DLGAP1: variants seen among roughly 807,000 people sequenced by gnomAD.
DLGAP1 encodes the protein disks large-associated protein 1.
DLGAP1 carries 11 observed loss-of-function variants against 90.8 expected under a neutral mutation model. The observed-to-expected ratio is 0.12, with a 90% CI of 0.08 to 0.20. The LOEUF (loss-of-function observed/expected upper bound fraction) is 0.20. Ranked by LOEUF, DLGAP1 falls within the 10% of genes least tolerant of loss-of-function variation. The probability of loss-of-function intolerance (pLI) is 1.00; values close to 1 mark genes in which losing one functional copy is unlikely to be tolerated. For synonymous variants in DLGAP1, 558 were observed against 540.7 expected (o/e 1.03, Z -0.44); for missense variants, 1,050 against 1,333.8 (o/e 0.79, Z 3.31).
At chr18:3,824,809 G>C (rs1193468985) in intron 4 of DLGAP1, among the ~76,000 whole-genome samples, 1 of 152,152 alleles carries the variant, frequency 6.6e-6, no homozygotes, top group Non-Finnish European at 1.5e-5. Flanking sequence ...ACACCTGAAA[G>C]CATACGGCAT....
intron 1 of DLGAP1, among the ~76,000 whole-genome samples, chr18:4,160,188 A>G (rs2076821533): frequency 1.3e-5 from 2 of 152,260 alleles, no homozygotes; most frequent in African/African-American, 2.4e-5. Context: ...GAGGTTTATC[A>G]AACAAGCATT....
chr18:3,862,550 C>T (rs1022203047), intron 4 of DLGAP1, among the ~76,000 whole-genome samples: 3 of 152,086 alleles, frequency 2.0e-5, no homozygotes, highest in Admixed American at 1.3e-4. Context: ...CCGACAGGCA[C>T]GTGGAGGGGA....
chr18:4,392,745 C>T (rs1257973826), intron 1 of DLGAP1, among the ~76,000 whole-genome samples: 1 of 152,164 alleles, frequency 6.6e-6, no homozygotes, highest in Non-Finnish European at 1.5e-5. Context: ...GAGATCCAGC[C>T]TCACATTTCA....
chr18:4,406,921 G>A (rs10468751), intron 1 of DLGAP1, among the ~76,000 whole-genome samples: 8,170 of 152,186 alleles, frequency 0.054, 684 homozygotes, highest in African/African-American at 0.19. Context: ...ACTTTGGTTG[G>A]CAATTTGAAT....
intron 2 of DLGAP1, among the ~76,000 whole-genome samples, chr18:4,129,706 A>C (rs1310349712): frequency 6.6e-6 from 1 of 152,164 alleles, no homozygotes; most frequent in Non-Finnish European, 1.5e-5. Flanking sequence ...ACGCCAATTT[A>C]GTACTGGCTT....
At chr18:3,814,933 A>C (rs1395674742) in intron 4 of DLGAP1, among the ~76,000 whole-genome samples, 2 of 152,222 alleles carry the variant, frequency 1.3e-5, no homozygotes, top group Non-Finnish European at 2.9e-5. Flanking sequence ...TTTTATTGTA[A>C]TAGGCTCATA....
chr18:4,187,046 T>C (rs541933144), intron 1 of DLGAP1, among the ~76,000 whole-genome samples: 57 of 152,312 alleles, frequency 3.7e-4, no homozygotes, highest in Non-Finnish European at 6.6e-4. Context: ...CTGATTTGGC[T>C]CTTGGCTTGA....
At chr18:3,873,182 A>G (rs1281282586) in intron 4 of DLGAP1, among the ~76,000 whole-genome samples, 2 of 151,870 alleles carry the variant, frequency 1.3e-5, no homozygotes, top group Non-Finnish European at 2.9e-5. Flanking sequence ...TATTAATTGG[A>G]CCTGACAATA....
At chr18:3,885,933 T>C (rs1352082873) in intron 3 of DLGAP1, among the ~76,000 whole-genome samples, 1 of 152,162 alleles carries the variant, frequency 6.6e-6, no homozygotes, top group Non-Finnish European at 1.5e-5. Context: ...GGTAATTTAT[T>C]AGACCCAAGG....
intron 4 of DLGAP1, among the ~76,000 whole-genome samples, chr18:3,878,565 T>A (rs1226015274): frequency 6.6e-6 from 1 of 152,198 alleles, no homozygotes. Flanking sequence ...ACAGGGCGTC[T>A]TCCTGATTTG....
intron 2 of DLGAP1, among the ~76,000 whole-genome samples, chr18:4,100,303 A>G (rs894984180): frequency 6.6e-6 from 1 of 152,224 alleles, no homozygotes; most frequent in South Asian, 2.1e-4. Context: ...TAGCTCCATC[A>G]GAGCTCTTGG....
At chr18:4,166,939 T>C (rs879299914) in intron 1 of DLGAP1, among the ~76,000 whole-genome samples, 9 of 152,214 alleles carry the variant, frequency 5.9e-5, no homozygotes, top group Admixed American at 5.9e-4. Flanking sequence ...ATGAAAAATA[T>C]CTGAAGATAG....
intron 4 of DLGAP1, among the ~76,000 whole-genome samples, chr18:3,822,671 G>A (rs1446242657): frequency 6.6e-6 from 1 of 152,196 alleles, no homozygotes; most frequent in Non-Finnish European, 1.5e-5. Context: ...TGTGTGAAGT[G>A]CAAATGCCAC....
chr18:3,576,009 A>G (rs1307226072), intron 8 of DLGAP1, among the ~76,000 whole-genome samples: 1 of 152,184 alleles, frequency 6.6e-6, no homozygotes, highest in Non-Finnish European at 1.5e-5. Flanking sequence ...TATTTATTAT[A>G]TCAGACAAAG....
chr18:3,537,543 G>C (rs146948353), intron 9 of DLGAP1, among the ~76,000 whole-genome samples: 2,249 of 152,182 alleles, frequency 0.015, 33 homozygotes, highest in African/African-American at 0.036. Flanking sequence ...TTCACCTTTT[G>C]GCTATTGTGA....
rs116768420 is a variant in DLGAP1 at position 3,515,126 on chromosome 18, G to A, written c.2480-6465C>T. The stretch of plus-strand genomic sequence containing the variant: ...CTTTCATGAAAGGTTTCTCTGTTGC[G>A]TGCAATATTTGTTTGACAGCATTTT... On this transcript the variant is annotated intron_variant, in intron 10 of 12. Transcript: ENST00000315677. Among the ~76,000 whole-genome samples the A allele has an allele frequency of 9.7e-3, 1,480 of 152,200 alleles. 25 individuals are homozygous for A. The highest frequency in any genetic ancestry group is 0.033 in the African/African-American group (1,389 of 41,516).
intron 7 of DLGAP1, among the ~76,000 whole-genome samples, chr18:3,611,314 G>T (rs779250794): frequency 1.3e-5 from 2 of 152,042 alleles, no homozygotes; most frequent in Admixed American, 1.3e-4. Flanking sequence ...GATTTGAGAT[G>T]CCTGGAGAAA....
At chr18:3,899,392 G>A (rs529686719) in intron 3 of DLGAP1, among the ~76,000 whole-genome samples, 6 of 152,326 alleles carry the variant, frequency 3.9e-5, no homozygotes, top group Admixed American at 1.3e-4. Flanking sequence ...ATCAACTGGC[G>A]CTGGCAAGAG....
rs144554649 is a variant in DLGAP1, at chr18:4,270,712, C to CTAGTAGGT, written c.-266-119433_-266-119426dup. On this transcript the variant is annotated intron_variant, in intron 1 of 12. Transcript: ENST00000315677. ...TCTGACAAGCATTCTATGGCTATTA[C>CTAGTAGGT]TAGTAGGTTCAATTTTAATTTAGTA... Among the ~76,000 whole-genome samples the CTAGTAGGT allele has an allele frequency of 7.6e-3, 1,153 of 152,240 alleles. 13 individuals carry two copies. The highest frequency in any genetic ancestry group is 0.025 in the African/African-American group (1,036 of 41,546).
Sources: allele counts gnomAD v4.1 joint callset (sites outside exome capture counted in the v4.1 genomes callset), GRCh38; gene constraint gnomAD v4.1.1; transcripts MANE v1.5; gene names NCBI Gene and HGNC (gene_info 2026-07-23, HGNC 2026-07-21).